Variants in PAK3 observed in about 807,000 individuals in gnomAD.
PAK3 encodes serine/threonine-protein kinase PAK 3.
PAK3 carries 4 observed loss-of-function variants against 41.0 expected under a neutral mutation model. The observed-to-expected ratio is 0.10, with a 90% CI of 0.05 to 0.22. The LOEUF (loss-of-function observed/expected upper bound fraction) is 0.22. Among genes scored for constraint, PAK3 ranks in the 10% least tolerant of loss-of-function variants. The pLI, the probability that PAK3 is intolerant of heterozygous loss-of-function variation, is 1.00. For synonymous variants in PAK3, 146 were observed against 139.6 expected, an observed-to-expected ratio of 1.05 and a Z score of -0.32; for missense variants, 205 against 409.9, an observed-to-expected ratio of 0.50 and a Z score of 4.32.
chrX:111,001,805 T>A (rs990639808), intron 1 of PAK3, among the ~76,000 whole-genome samples: 3 of 111,027 alleles, frequency 2.7e-5, no homozygotes, highest in African/African-American at 6.6e-5. Context: ...TGACTGAGGA[T>A]GCTTCCTCTT....
At chrX:111,163,805 G>A in intron 10 of PAK3, 78 bp downstream of exon 10, 1 of 860,412 alleles carries the variant, frequency 1.2e-6, no homozygotes, top group Non-Finnish European at 1.7e-6. Flanking sequence ...TTGATCCTTT[G>A]GAAGTTTTAA....
chrX:110,993,319 A>G (rs914976627), intron 1 of PAK3, among the ~76,000 whole-genome samples: 3 of 111,511 alleles, frequency 2.7e-5, no homozygotes, highest in Non-Finnish European at 3.8e-5. Flanking sequence ...CACAAAATGG[A>G]CTTTTAAAAT....
At chrX:111,067,088 T>C (rs1033511231) in intron 1 of PAK3, among the ~76,000 whole-genome samples, 5 of 112,086 alleles carry the variant, frequency 4.5e-5, no homozygotes, top group African/African-American at 1.6e-4. Flanking sequence ...GATTTTTATA[T>C]AGCCATATTG....
At chrX:111,065,469 G>A (rs772475077) in intron 1 of PAK3, among the ~76,000 whole-genome samples, 11 of 111,503 alleles carry the variant, frequency 9.9e-5, no homozygotes, top group African/African-American at 3.6e-4. Context: ...GTATTTTGTT[G>A]AAGATTTTTG....
intron 10 of PAK3, among the ~76,000 whole-genome samples, chrX:111,167,020 A>T (rs978944867): frequency 1.8e-5 from 2 of 111,926 alleles, no homozygotes; most frequent in Non-Finnish European, 3.8e-5. Context: ...TACCCATATA[A>T]TAGGGGTTGT....
Position 111,223,812 on chromosome X carries a change from TATA to T in PAK3, c.*3369_*3371del, listed in dbSNP as rs2094939631. Reference sequence around the variant, plus strand: ...TGAGGCTGCCAGTTCTGAGAGATTCTATAATATCACTTTTAAATAACATAAACA... The same window carrying T: ...TGAGGCTGCCAGTTCTGAGAGATTCTATATCACTTTTAAATAACATAAACA... On this transcript the variant is annotated 3_prime_UTR_variant, in exon 18 of 18. Transcript: ENST00000372007. The T allele has an allele frequency of 8.9e-6, 1 of 112,172 alleles. No homozygotes were observed. The allele number at this position is 112,172 out of a possible 1,213,427, so 9.2% of individuals were successfully genotyped here.
intron 4 of PAK3, among the ~76,000 whole-genome samples, chrX:111,120,186 C>A (rs1315415325): frequency 3.6e-5 from 4 of 111,746 alleles, no homozygotes; most frequent in African/African-American, 1.3e-4. Flanking sequence ...GTTTGGTGGG[C>A]AATAGGAATG....
chrX:111,004,525 A>G (rs2091894051), intron 1 of PAK3, among the ~76,000 whole-genome samples: 1 of 112,742 alleles, frequency 8.9e-6, no homozygotes, highest in Non-Finnish European at 1.9e-5. Context: ...ATTGTGAAAG[A>G]CAATCCTTTG....
chrX:111,055,716 C>T (rs899562226), intron 1 of PAK3, among the ~76,000 whole-genome samples: 2 of 111,646 alleles, frequency 1.8e-5, no homozygotes, highest in Non-Finnish European at 1.9e-5. Context: ...GCTGACCAGG[C>T]AATCATATAC....
chrX:111,168,932 G>C (rs1252960832), intron 10 of PAK3, among the ~76,000 whole-genome samples: 2 of 111,331 alleles, frequency 1.8e-5, no homozygotes, highest in Non-Finnish European at 3.8e-5. Context: ...GAATAAGGAT[G>C]GCTCTCAGTT....
chrX:111,040,328 A>G (rs1047528360), intron 1 of PAK3, among the ~76,000 whole-genome samples: 11 of 111,983 alleles, frequency 9.8e-5, no homozygotes, highest in African/African-American at 3.2e-4. Flanking sequence ...AGCACTTAGC[A>G]CTCTTGGCAA....
At chrX:111,133,794 A>G (rs1283996143) in intron 5 of PAK3, among the ~76,000 whole-genome samples, 1 of 112,203 alleles carries the variant, frequency 8.9e-6, no homozygotes, top group African/African-American at 3.2e-5. Flanking sequence ...AAGGCTTCAA[A>G]TGTTGCTTTT....
chrX:111,062,400 T>C (rs1219142779), intron 1 of PAK3, among the ~76,000 whole-genome samples: 2 of 112,380 alleles, frequency 1.8e-5, no homozygotes, highest in African/African-American at 6.5e-5. Context: ...GTATACTGTG[T>C]GTGGTACGTA....
chrX:111,174,261 G>A (rs770839132), intron 11 of PAK3, among the ~76,000 whole-genome samples: 16 of 110,885 alleles, frequency 1.4e-4, no homozygotes, highest in Non-Finnish European at 3.0e-4. Context: ...GAAATTGCCA[G>A]TATATCTCAG....
At chrX:111,018,399 G>C (rs1480359551) in intron 1 of PAK3, among the ~76,000 whole-genome samples, 1 of 111,257 alleles carries the variant, frequency 9.0e-6, no homozygotes, top group African/African-American at 3.3e-5. Flanking sequence ...AAATTGTCAG[G>C]CTGTAAAATC....
intron 1 of PAK3, among the ~76,000 whole-genome samples, chrX:111,060,692 C>G (rs1336136678): frequency 9.0e-6 from 1 of 111,502 alleles, no homozygotes; most frequent in Non-Finnish European, 1.9e-5. Flanking sequence ...CACAACAATA[C>G]TCCCACATTT....
At position 111,221,066 on chromosome X, in the gene PAK3, T is replaced by C. The variant is rs1241608290; in HGVS notation, c.*619T>C. 9.0e-6 allele frequency: 1 copy of C among 111,572 alleles called. No individual in the cohort carries two copies. Among genetic ancestry groups the C allele is most frequent in the Non-Finnish European group, 1.9e-5 (1 of 53,173 alleles). The allele number at this position is 111,572 out of a possible 1,213,427, so 9.2% of individuals were successfully genotyped here. A position where few individuals can be genotyped will look rare whatever the true frequency, so the allele number is the denominator to read the frequency against. On this transcript the variant is annotated 3_prime_UTR_variant, in exon 18 of 18. Coordinates refer to ENST00000372007, the MANE Select transcript of PAK3 (RefSeq NM_002578.5). ...ATGCCCTAATAGAGTTGCAATTTTTTATTCTTCTTCTATAGTGGTGGCTTG... is the reference window on the plus strand; with the variant it reads ...ATGCCCTAATAGAGTTGCAATTTTTCATTCTTCTTCTATAGTGGTGGCTTG...
chrX:111,143,950 A>G (rs1250007468), intron 6 of PAK3, among the ~76,000 whole-genome samples: 2 of 111,014 alleles, frequency 1.8e-5, no homozygotes, highest in East Asian at 5.6e-4. Flanking sequence ...CTCATGTGAT[A>G]TTCTAGTTGC....
At chrX:111,049,720 C>CA (rs1472665738) in intron 1 of PAK3, among the ~76,000 whole-genome samples, 1 of 111,347 alleles carries the variant, frequency 9.0e-6, no homozygotes, top group Admixed American at 9.5e-5. Flanking sequence ...ATTCATTAAC[C>CA]AAAAAAAGAA....
Sources: gnomAD v4.1 joint callset for allele counts (sites outside exome capture counted in the v4.1 genomes callset) on GRCh38, gnomAD v4.1.1 for gene constraint, MANE v1.5 for transcripts, NCBI Gene and HGNC (gene_info 2026-07-23, HGNC 2026-07-21) for gene names.